NSUN4: variants seen among roughly 807,000 people sequenced by gnomAD.
NSUN4 encodes 5-cytosine rRNA methyltransferase NSUN4.
A neutral mutation model predicts 43.8 loss-of-function variants in NSUN4; 31 were observed. The observed-to-expected ratio is 0.71, with a 90% CI of 0.53 to 0.96. The LOEUF is 0.96. Among genes scored for constraint, NSUN4 ranks in the 40% least tolerant of loss-of-function variants. The pLI is 0.00. For missense variants in NSUN4, 439 were observed against 475.6 expected, an observed-to-expected ratio of 0.92 and a Z score of 0.72; for synonymous variants, 167 against 184.1, an observed-to-expected ratio of 0.91 and a Z score of 0.75.
At chr1:46,369,330 A>C (rs1427120134), downstream of NSUN4, among the ~76,000 whole-genome samples, 1 of 152,128 alleles carries the variant, frequency 6.6e-6, no homozygotes, top group Non-Finnish European at 1.5e-5. Context: ...CTTAGTACCT[A>C]TTTGGTAGTT....
At chr1:46,353,112 A>G in intron 4 of NSUN4, 84 bp downstream of exon 4, 1 of 1,306,966 alleles carries the variant, frequency 7.7e-7, no homozygotes, top group Non-Finnish European at 1.1e-6. Context: ...GTTAGGATCC[A>G]GCCCCTATGT....
chr1:46,372,035 G>A, the NSUN4 span, among the ~76,000 whole-genome samples: 1 of 152,052 alleles, frequency 6.6e-6, no homozygotes, highest in African/African-American at 2.4e-5. Flanking sequence ...CTCTATCAGA[G>A]TCCTTCTTTC....
chr1:46,350,053 A>T (rs560468582), intron 3 of NSUN4, among the ~76,000 whole-genome samples: 1 of 152,222 alleles, frequency 6.6e-6, no homozygotes, highest in East Asian at 1.9e-4. Flanking sequence ...ATTAGTGTTT[A>T]CTTAGTCTAG....
rs1358416618 is a variant in NSUN4 at position 46,364,440 on chromosome 1, G to C, written c.*2594G>C. ...GCCTGTAATCCCAAAACTTTGGAAG[G>C]CTGAGGCAGGTGGATCACCTGAGGT... is the stretch of plus-strand genomic sequence containing the variant. On this transcript the variant is annotated 3_prime_UTR_variant, in exon 6 of 6. Transcript: ENST00000474844. The C allele has an allele frequency of 1.3e-5, 2 of 152,280 alleles. No individual in the cohort carries two copies. Among genetic ancestry groups the C allele is most frequent in the African/African-American group, 2.4e-5 (1 of 41,416 alleles). 9.4% of individuals were successfully genotyped at this position (152,280 alleles called of 1,614,324 possible). A position where few individuals can be genotyped will look rare whatever the true frequency, so the allele number is the denominator to read the frequency against.
intron 4 of NSUN4, among the ~76,000 whole-genome samples, chr1:46,359,673 C>A (rs1488235580): frequency 6.6e-6 from 1 of 151,056 alleles, no homozygotes; most frequent in Non-Finnish European, 1.5e-5. Flanking sequence ...GCCTTAGCCT[C>A]CCGAGTAGCT....
chr1:46,342,006 G>A, intron 1 of NSUN4: 2 of 1,203,504 alleles, frequency 1.7e-6, no homozygotes, highest in Admixed American at 4.2e-5. Context: ...GCTCACTCAT[G>A]TACCCTTGGA....
intron 4 of NSUN4, among the ~76,000 whole-genome samples, chr1:46,357,568 T>A (rs541737365): frequency 1.2e-4 from 19 of 152,234 alleles, no homozygotes; most frequent in Non-Finnish European, 2.2e-4. Flanking sequence ...GCTGTTTCTC[T>A]GCATTAGGGG....
At chr1:46,345,174 C>T in intron 2 of NSUN4, 30 bp downstream of exon 2, 1 of 1,514,104 alleles carries the variant, frequency 6.6e-7, no homozygotes, top group South Asian at 1.2e-5. Flanking sequence ...CTGGAGCGGT[C>T]CTGAGTGTCT....
the NSUN4 span, among the ~76,000 whole-genome samples, chr1:46,381,123 A>G: frequency 6.6e-6 from 1 of 152,050 alleles, no homozygotes; most frequent in Non-Finnish European, 1.5e-5. Context: ...GCTTCCCCCA[A>G]AGACTCTCCC....
chr1:46,347,593 G>C (rs935849979), intron 3 of NSUN4, among the ~76,000 whole-genome samples: 2 of 152,216 alleles, frequency 1.3e-5, no homozygotes, highest in African/African-American at 4.8e-5. Context: ...TCTGAAGTCA[G>C]ATTGAAGTAG....
At chr1:46,353,591 T>C (rs1441726387) in intron 4 of NSUN4, among the ~76,000 whole-genome samples, 1 of 152,002 alleles carries the variant, frequency 6.6e-6, no homozygotes, top group Non-Finnish European at 1.5e-5. Flanking sequence ...ATTCTCTGCC[T>C]CAGCCTCCCG....
rs1449920821 is a variant in NSUN4 at position 46,364,608 on chromosome 1, G to A, written c.*2762G>A. On this transcript the variant is annotated 3_prime_UTR_variant, in exon 6 of 6. Transcript: ENST00000474844. ...AACTGCTTGAACCTGGGAGGTGGAG[G>A]TTTCAGTGAGCCAAGATAGCGCCAT... 1 of 152,208 alleles carries A rather than the reference G, an allele frequency of 6.6e-6. No homozygotes were observed. Among genetic ancestry groups the A allele is most frequent in the African/African-American group, 2.4e-5 (1 of 41,436 alleles). The allele number at this position is 152,208 out of a possible 1,614,324, so 9.4% of individuals were successfully genotyped here. A position where few individuals can be genotyped will look rare whatever the true frequency, so the allele number is the denominator to read the frequency against.
chr1:46,341,205 G>A, intron 1 of NSUN4: 2 of 1,172,384 alleles, frequency 1.7e-6, no homozygotes, highest in Non-Finnish European at 2.1e-6. Flanking sequence ...TTGTTCCCCA[G>A]CTGTGTCCAC....
downstream of NSUN4, among the ~76,000 whole-genome samples, chr1:46,366,704 C>CA (rs34437222): frequency 0.24 from 14,161 of 59,408 alleles, 1,640 homozygotes; most frequent in East Asian, 0.4. Context: ...ACTAAAAATA[C>CA]AAAAAAAAAA....
intron 4 of NSUN4, among the ~76,000 whole-genome samples, chr1:46,356,204 T>A (rs1336591614): frequency 6.6e-6 from 1 of 152,120 alleles, no homozygotes; most frequent in Non-Finnish European, 1.5e-5. Flanking sequence ...CCCAAGTAGT[T>A]GAGACTACAG....
intron 3 of NSUN4, among the ~76,000 whole-genome samples, chr1:46,351,203 TA>T (rs1196133251): frequency 1.3e-5 from 2 of 152,060 alleles, no homozygotes; most frequent in Non-Finnish European, 2.9e-5. Flanking sequence ...CCGTCTCTAC[TA>T]AAAATACAAA....
chr1:46,349,601 T>G (rs1397278948), intron 3 of NSUN4, among the ~76,000 whole-genome samples: 3 of 152,242 alleles, frequency 2.0e-5, no homozygotes, highest in African/African-American at 7.2e-5. Context: ...GCCCTTCTGT[T>G]GGACCTAGAC....
At chr1:46,371,826 G>C in the NSUN4 span, among the ~76,000 whole-genome samples, 2 of 152,128 alleles carry the variant, frequency 1.3e-5, no homozygotes, top group Non-Finnish European at 2.9e-5. Flanking sequence ...GGTGGAGGTG[G>C]GCGGGGGGTG....
chr1:46,358,240 T>C (rs1450720993), intron 4 of NSUN4, among the ~76,000 whole-genome samples: 1 of 151,536 alleles, frequency 6.6e-6, no homozygotes, highest in Admixed American at 6.6e-5. Flanking sequence ...GGATTACAGG[T>C]GCCCACCACT....
Sources: gnomAD v4.1 joint callset for allele counts (sites outside exome capture counted in the v4.1 genomes callset) on GRCh38, gnomAD v4.1.1 for gene constraint, MANE v1.5 for transcripts, NCBI Gene and HGNC (gene_info 2026-07-23, HGNC 2026-07-21) for gene names.